ABCC12: variants seen among roughly 807,000 people sequenced by gnomAD.
The protein encoded by ABCC12 is ATP-binding cassette sub-family C member 12.
A neutral mutation model predicts 151.1 loss-of-function variants in ABCC12; 142 were observed. That is an observed-to-expected ratio of 0.94 (90% CI 0.82 to 1.08). The LOEUF (loss-of-function observed/expected upper bound fraction) is 1.08. Ranked by LOEUF, ABCC12 falls within the 50% of genes least tolerant of loss-of-function variation. The pLI, the probability that ABCC12 is intolerant of heterozygous loss-of-function variation, is 0.00. For synonymous variants in ABCC12, 645 were observed against 646.4 expected, an observed-to-expected ratio of 1.00 and a Z score of 0.03; for missense variants, 1,638 against 1,691.1, an observed-to-expected ratio of 0.97 and a Z score of 0.55.
In ABCC12 at chr16:48,107,432, G is replaced by A; in HGVS notation, c.2372-7C>T. The stretch of plus-strand genomic sequence containing the variant: ...AAGAGAGAAAGGAGGTACCCTGCAA[G>A]AGGAGCGGAGAGGCCCAAGGGGCTG... On this transcript the variant is annotated splice_region_variant and splice_polypyrimidine_tract_variant and intron_variant, in intron 19 of 30. Coordinates refer to ENST00000311303, the MANE Select transcript of ABCC12 (RefSeq NM_001393797.1). The A allele has an allele frequency of 6.2e-7, 1 of 1,612,754 alleles. No homozygotes were observed. The highest frequency in any genetic ancestry group is 8.5e-7 in the Non-Finnish European group (1 of 1,178,748).
At chr16:48,151,655 T>TA (rs1434744487) in intron 2 of ABCC12, among the ~76,000 whole-genome samples, 2 of 152,296 alleles carry the variant, frequency 1.3e-5, no homozygotes, top group South Asian at 2.1e-4. Context: ...AAACCATTCT[T>TA]AAAAAATAAA....
At chr16:48,087,548 A>G (rs1962671255) in intron 27 of ABCC12, 1 of 173,206 alleles carries the variant, frequency 5.8e-6, no homozygotes, top group African/African-American at 2.4e-5. Context: ...CGGGGTAACT[A>G]TTTATTTTAT....
At chr16:48,149,306 A>T (rs1428846316) in intron 2 of ABCC12, among the ~76,000 whole-genome samples, 1 of 151,848 alleles carries the variant, frequency 6.6e-6, no homozygotes. Context: ...AAAAGGAATA[A>T]ATAGAAGACA....
intron 8 of ABCC12, among the ~76,000 whole-genome samples, chr16:48,134,818 C>T (rs575380678): frequency 3.9e-5 from 6 of 152,058 alleles, no homozygotes; most frequent in East Asian, 1.9e-4. Flanking sequence ...TTTGGGAGGC[C>T]GAGGCAGGTG....
At position 48,133,745 on chromosome 16, in the gene ABCC12, G is replaced by T. The variant is rs1365863069; in HGVS notation, c.1070C>A (p.Ala357Asp). Reference protein sequence around the residue: ...SALAPIVSTIAIVLTLSCHIL... With the variant: ...SALAPIVSTIDIVLTLSCHIL... Reference sequence around the variant, plus strand: ...GTGGCAGGATAATGTCAGCACGATGGCTATGGTGGACACGATGGGGGCCAG... The same window carrying T: ...GTGGCAGGATAATGTCAGCACGATGTCTATGGTGGACACGATGGGGGCCAG... The change falls in exon 9 of 31, where the codon GCC becomes GAC. Residue 357 changes from alanine (A) to aspartate (D), a missense_variant. Physicochemically the swap from Ala to Asp is moderately radical, Grantham distance 126. Coordinates refer to ENST00000311303, the MANE Select transcript of ABCC12 (RefSeq NM_001393797.1). 1.2e-6 allele frequency: 2 copies of T among 1,613,980 alleles called. No individual in the cohort carries two copies. Among genetic ancestry groups the T allele is most frequent in the Non-Finnish European group, 1.7e-6 (2 of 1,180,026 alleles).
Position 48,140,962 on chromosome 16 carries a change from G to A in ABCC12, c.424-42C>T, listed in dbSNP as rs778025241. The stretch of plus-strand genomic sequence containing the variant: ...TGGGGAGAAGAGAGGGCCACTGAGG[G>A]CTGAGGCTGGCATAGGAGGCCTCAG... On this transcript the variant is annotated intron_variant, in intron 5 of 30. Transcript: ENST00000311303. 5 of 1,571,842 alleles carry A rather than the reference G, an allele frequency of 3.2e-6. No homozygotes were observed. The African/African-American group carries it at 6.8e-5, about 21-fold the overall frequency.
chr16:48,139,093 C>T (rs890970728), intron 7 of ABCC12, 70 bp downstream of exon 7: 2 of 1,481,786 alleles, frequency 1.3e-6, no homozygotes, highest in African/African-American at 2.8e-5. Context: ...ATGCAGCCTT[C>T]CACCCAATTC....
chr16:48,094,120 G>C (rs1194157034), intron 24 of ABCC12, among the ~76,000 whole-genome samples: 1 of 152,174 alleles, frequency 6.6e-6, no homozygotes, highest in African/African-American at 2.4e-5. Context: ...GTTGGGGAAA[G>C]CTGTTTTACT....
intron 24 of ABCC12, among the ~76,000 whole-genome samples, chr16:48,094,295 A>G (rs1473601886): frequency 1.3e-5 from 2 of 152,236 alleles, no homozygotes; most frequent in Non-Finnish European, 2.9e-5. Flanking sequence ...CTTTCTTCCC[A>G]AAATACAATT....
Position 48,096,785 on chromosome 16 carries a change from A to G in ABCC12, c.3156T>C (p.Ser1052=). The change falls in exon 24 of 31, where the codon AGT becomes AGC. Residue 1052 remains serine, a synonymous_variant. Coordinates refer to ENST00000311303, the MANE Select transcript of ABCC12 (RefSeq NM_001393797.1). ...LLVTLSFSSI[S]TSSKGLSLSY... ...ACAATGACAGGCCTTTGGATGAAGT[A>G]CTGATGGAGGAGAAACTCAGGGTCA... The G allele has an allele frequency of 6.2e-7, 1 of 1,614,094 alleles. No homozygotes were observed. Among genetic ancestry groups the G allele is most frequent in the Non-Finnish European group, 8.5e-7 (1 of 1,179,952 alleles).
Position 48,128,514 on chromosome 16 carries a change from T to C in ABCC12, c.1460A>G (p.Glu487Gly). Residue 487 changes from glutamate to glycine, a missense_variant, in exon 11 of 31, where the codon GAG (glutamate) becomes GGG (glycine). Coordinates refer to ENST00000311303, the MANE Select transcript of ABCC12 (RefSeq NM_001393797.1). Reference sequence around the variant, plus strand: ...AACCGATTTGAGGCTGTCACTTTGCTCCTCTGGGCCAGTGGCTCCCTTGGC... The same window carrying C: ...AACCGATTTGAGGCTGTCACTTTGCCCCTCTGGGCCAGTGGCTCCCTTGGC... Reference protein sequence around the residue: ...PPAKGATGPEEQSDSLKSVLH... With the variant: ...PPAKGATGPEGQSDSLKSVLH... 1.2e-6 allele frequency: 2 copies of C among 1,614,218 alleles called. No homozygotes were observed. The highest frequency in any genetic ancestry group is 1.1e-5 in the South Asian group (1 of 91,084).
chr16:48,099,256 A>G (rs1325593273), intron 23 of ABCC12, among the ~76,000 whole-genome samples: 1 of 152,086 alleles, frequency 6.6e-6, no homozygotes, highest in Non-Finnish European at 1.5e-5. Context: ...TGTCTCTACT[A>G]AAAATACAAA....
rs768156434 is a variant in ABCC12 at position 48,115,493 on chromosome 16, C to G, written c.1911G>C (p.Val637=). ...DDPLSAVDAH[V]GKHVFEECIK... ...TGCACTCCTCAAAGACGTGCTTCCC[C>G]ACGTGGGCGTCCACGGCCGACAGGG... Residue 637 remains valine, a synonymous_variant, in exon 15 of 31, where the codon GTG becomes GTC. Coordinates refer to ENST00000311303, the MANE Select transcript of ABCC12 (RefSeq NM_001393797.1). 1.2e-6 allele frequency: 2 copies of G among 1,614,218 alleles called. No individual in the cohort carries two copies. The highest frequency in any genetic ancestry group is 8.5e-7 in the Non-Finnish European group (1 of 1,180,034).
intron 24 of ABCC12, among the ~76,000 whole-genome samples, chr16:48,096,258 T>C (rs1162316850): frequency 6.6e-6 from 1 of 152,258 alleles, no homozygotes; most frequent in African/African-American, 2.4e-5. Context: ...GGAGTAGCTA[T>C]GTGACTTAAA....
At chr16:48,139,460 A>C (rs769514301) in intron 6 of ABCC12, 124 bp from the exon 7 acceptor site, 17 of 1,021,966 alleles carry the variant, frequency 1.7e-5, no homozygotes, top group African/African-American at 9.7e-5. Context: ...TAAAGCAGGA[A>C]GGGGTCACCG....
At position 48,091,455 on chromosome 16, in the gene ABCC12, A is replaced by G. The variant is rs894789133; in HGVS notation, c.3196-246T>C. On this transcript the variant is annotated intron_variant, in intron 24 of 30. Coordinates refer to ENST00000311303, the MANE Select transcript of ABCC12 (RefSeq NM_001393797.1). The stretch of plus-strand genomic sequence containing the variant: ...TAATTACATTTTTCCCTGGCACTCC[A>G]GATGGTGAGAATCATCTCCCCACAG... 3.3e-5 allele frequency among the ~76,000 whole-genome samples: 5 copies of G among 152,232 alleles called. No individual in the cohort carries two copies. The South Asian group carries it at 1.0e-3, about 32-fold the overall frequency.
chr16:48,145,391 G>T (rs906680888), intron 3 of ABCC12, among the ~76,000 whole-genome samples: 2 of 152,192 alleles, frequency 1.3e-5, no homozygotes, highest in Admixed American at 1.3e-4. Context: ...GCAAGGTTGA[G>T]CATGTGAGCT....
rs536627394 is a variant in ABCC12, at chr16:48,116,209, G to A, written c.1786-591C>T. Among the ~76,000 whole-genome samples, 11 of 152,288 alleles carry A rather than the reference G, an allele frequency of 7.2e-5. No homozygotes were observed. The South Asian group carries it at 2.1e-3, about 29-fold the overall frequency. On this transcript the variant is annotated intron_variant, in intron 14 of 30. Transcript: ENST00000311303. ...TGGAAAGGATGATTGCTTGCTGTAG[G>A]TGATTCTATCCAATGGAACCCAAAG...
chr16:48,135,158 C>T (rs1325088937), intron 8 of ABCC12, among the ~76,000 whole-genome samples: 1 of 152,150 alleles, frequency 6.6e-6, no homozygotes, highest in Non-Finnish European at 1.5e-5. Flanking sequence ...AAATTTAGCC[C>T]TGCCTTTAAA....
Sources: allele counts gnomAD v4.1 joint callset (sites outside exome capture counted in the v4.1 genomes callset), GRCh38; gene constraint gnomAD v4.1.1; transcripts MANE v1.5; gene names NCBI Gene and HGNC (gene_info 2026-07-23, HGNC 2026-07-21).